CRYL1: variants seen among roughly 807,000 people sequenced by gnomAD.
CRYL1 encodes lambda-crystallin homolog.
In CRYL1, 29 loss-of-function variants were observed where a neutral mutation model predicts 36.6. The observed-to-expected ratio is 0.79, with a 90% confidence interval of 0.59 to 1.08. The LOEUF (loss-of-function observed/expected upper bound fraction) is 1.08, where lower values mean the gene tolerates loss of function less well. Among genes scored for constraint, CRYL1 ranks in the 50% least tolerant of loss-of-function variants. The pLI is 0.00. For missense variants in CRYL1, 411 were observed against 407.9 expected, an observed-to-expected ratio of 1.01 and a Z score of -0.06; for synonymous variants, 152 against 151.5, an observed-to-expected ratio of 1.00 and a Z score of -0.02.
intron 3 of CRYL1, among the ~76,000 whole-genome samples, chr13:20,456,954 G>T (rs1485576358): frequency 6.6e-6 from 1 of 152,190 alleles, no homozygotes; most frequent in Non-Finnish European, 1.5e-5. Flanking sequence ...TAGGAGTCTG[G>T]TGGGATGAAG....
chr13:20,489,903 C>G (rs2033476224), intron 2 of CRYL1, among the ~76,000 whole-genome samples: 1 of 152,092 alleles, frequency 6.6e-6, no homozygotes, highest in African/African-American at 2.4e-5. Context: ...AAGCATCCAT[C>G]AATAGATGAG....
intron 5 of CRYL1, chr13:20,419,035 A>T (rs1482558402): frequency 1.3e-5 from 2 of 152,114 alleles, no homozygotes; most frequent in Non-Finnish European, 2.9e-5. Flanking sequence ...GGATCACCCC[A>T]GGGCAGCGGC....
chr13:20,477,860 T>C (rs950230999), intron 3 of CRYL1, among the ~76,000 whole-genome samples: 3 of 128,682 alleles, frequency 2.3e-5, no homozygotes. Context: ...GATAGTATAA[T>C]ATATATTATA....
At chr13:20,455,633 T>C (rs1022784328) in intron 3 of CRYL1, among the ~76,000 whole-genome samples, 1 of 151,980 alleles carries the variant, frequency 6.6e-6, no homozygotes, top group African/African-American at 2.4e-5. Context: ...ACCATAATCA[T>C]GAATTGGAAG....
At chr13:20,475,168 G>A (rs939541690) in intron 3 of CRYL1, among the ~76,000 whole-genome samples, 9 of 152,156 alleles carry the variant, frequency 5.9e-5, no homozygotes, top group African/African-American at 2.2e-4. Context: ...ACAGGGAGGA[G>A]GGAGCCATCC....
At chr13:20,494,928 C>T (rs1180791334) in intron 2 of CRYL1, among the ~76,000 whole-genome samples, 1 of 152,204 alleles carries the variant, frequency 6.6e-6, no homozygotes, top group Non-Finnish European at 1.5e-5. Context: ...CACGGTCACA[C>T]ATGAACCCAT....
At position 20,525,032 on chromosome 13, in the gene CRYL1, G is replaced by GT. The variant is rs965972952; in HGVS notation, c.41+721dup. 7.5e-6 allele frequency among the ~76,000 whole-genome samples: 1 copy of GT among 133,826 alleles called. No homozygotes were observed. Among genetic ancestry groups the GT allele is most frequent in the Admixed American group, 8.1e-5 (1 of 12,304 alleles). The allele number at this position is 133,826 out of a possible 152,430, so 87.8% of individuals were successfully genotyped here. The stretch of plus-strand genomic sequence containing the variant: ...TTAAAAAACAAAAATAGCAAGGATT[G>GT]TAACCGTAGGGGTGGGGGGCGGGGT... On this transcript the variant is annotated intron_variant, in intron 1 of 7. Coordinates refer to ENST00000298248, the MANE Select transcript of CRYL1 (RefSeq NM_015974.3). The surrounding 1 kb of genome is among the most constrained non-coding windows in gnomAD (Gnocchi z 4.3).
At chr13:20,511,271 C>A (rs563240732) in intron 2 of CRYL1, among the ~76,000 whole-genome samples, 42 of 151,854 alleles carry the variant, frequency 2.8e-4, no homozygotes, top group African/African-American at 8.0e-4. Context: ...TCTTTTTTTT[C>A]TGTAGAGACG....
At chr13:20,521,127 AAAGAAAGAAAGAAGG>A (rs2034087868) in intron 1 of CRYL1, among the ~76,000 whole-genome samples, 3 of 29,932 alleles carry the variant, frequency 1.0e-4, no homozygotes, top group Non-Finnish European at 8.6e-4. Flanking sequence ...AAAAAAAAGG[AAAGAAAGAAAGAAGG>A]AAGAAAGGAA....
At chr13:20,521,753 G>T (rs2034101745) in intron 1 of CRYL1, among the ~76,000 whole-genome samples, 1 of 152,142 alleles carries the variant, frequency 6.6e-6, no homozygotes, top group Non-Finnish European at 1.5e-5. Context: ...TATCATTAAT[G>T]TCACTTAATT....
At chr13:20,405,933 C>CCGGGAGGCGAA (rs1244625004) in intron 6 of CRYL1, 2 of 152,334 alleles carry the variant, frequency 1.3e-5, no homozygotes, top group African/African-American at 4.8e-5. Context: ...CTCCCTGCTG[C>CCGGGAGGCGAA]CGGGAGGCGA....
At position 20,425,004 on chromosome 13, in the gene CRYL1, G is replaced by C. The variant is rs986456469; in HGVS notation, c.633+7098C>G. 6.6e-6 allele frequency among the ~76,000 whole-genome samples: 1 copy of C among 152,170 alleles called. No individual in the cohort carries two copies. The highest frequency in any genetic ancestry group is 2.4e-5 in the African/African-American group (1 of 41,440). On this transcript the variant is annotated intron_variant, in intron 5 of 7. Transcript: ENST00000298248. The surrounding 1 kb of genome is among the most constrained non-coding windows in gnomAD (Gnocchi z 4.4). ...GGCTCCCCCAACTTCCCTACACACT[G>C]GGCCCATCGCTCTATGTGACTTCGT...
chr13:20,428,649 A>AC (rs1453389924), intron 5 of CRYL1, among the ~76,000 whole-genome samples: 1 of 152,238 alleles, frequency 6.6e-6, no homozygotes, highest in African/African-American at 2.4e-5. Context: ...AGACACTGTC[A>AC]CGGGTGGAAA....
chr13:20,419,262 A>G (rs1565957657), intron 5 of CRYL1, among the ~76,000 whole-genome samples: 1 of 152,180 alleles, frequency 6.6e-6, no homozygotes, highest in Non-Finnish European at 1.5e-5. Context: ...CAAATGCTAC[A>G]GGGAGTAACA....
chr13:20,513,631 T>C (rs1001265048), intron 1 of CRYL1: 12 of 152,180 alleles, frequency 7.9e-5, no homozygotes, highest in African/African-American at 2.9e-4. Context: ...GCAATCTGAC[T>C]CCTGAGTCCT....
chr13:20,447,814 T>C (rs12429997), intron 3 of CRYL1, among the ~76,000 whole-genome samples: 7,012 of 152,274 alleles, frequency 0.046, 343 homozygotes, highest in Admixed American at 0.16. Context: ...ACTAAATTAA[T>C]TCAAATGCCC....
intron 2 of CRYL1, among the ~76,000 whole-genome samples, chr13:20,510,091 G>A (rs1292617250): frequency 6.6e-6 from 1 of 152,180 alleles, no homozygotes; most frequent in African/African-American, 2.4e-5. Context: ...CATTTTGGAA[G>A]GCAGTTTTGC....
At chr13:20,422,360 C>CA (rs34813385) in intron 5 of CRYL1, among the ~76,000 whole-genome samples, 92,461 of 129,772 alleles carry the variant, frequency 0.71, 32,011 homozygotes, top group South Asian at 0.81. Flanking sequence ...ATTCCATTTC[C>CA]AAAAAAAAAA....
At chr13:20,512,242 C>T (rs1038042715) in intron 2 of CRYL1, among the ~76,000 whole-genome samples, 1 of 152,232 alleles carries the variant, frequency 6.6e-6, no homozygotes, top group Non-Finnish European at 1.5e-5. Context: ...TCATTTCCTC[C>T]CCCATGGGAG....
Sources: allele counts gnomAD v4.1 joint callset (sites outside exome capture counted in the v4.1 genomes callset), GRCh38; gene constraint gnomAD v4.1.1; non-coding constraint Gnocchi (gnomAD v3.1); transcripts MANE v1.5; gene names NCBI Gene and HGNC (gene_info 2026-07-23, HGNC 2026-07-21).